CNTN1: variants seen among roughly 807,000 people sequenced by gnomAD.
CNTN1 encodes the protein contactin 1.
A neutral mutation model predicts 126.4 loss-of-function variants in CNTN1; 38 were observed. The ratio of observed to expected loss-of-function variants is 0.30; its 90% CI spans 0.23 to 0.39. The LOEUF (loss-of-function observed/expected upper bound fraction) is 0.39, where lower values mean the gene tolerates loss of function less well. Ranked by LOEUF, CNTN1 falls within the 10% of genes least tolerant of loss-of-function variation. CNTN1 has a pLI of 1.00. For missense variants in CNTN1, 1,009 were observed against 1,248.4 expected, an observed-to-expected ratio of 0.81 and a Z score of 2.89; for synonymous variants, 413 against 422.6, an observed-to-expected ratio of 0.98 and a Z score of 0.28.
chr12:41,038,180 A>G (rs1949311550), intron 23 of CNTN1, among the ~76,000 whole-genome samples: 1 of 152,162 alleles, frequency 6.6e-6, no homozygotes, highest in African/African-American at 2.4e-5. Flanking sequence ...AAATAAATAA[A>G]TAAAGTTTTA....
intron 23 of CNTN1, among the ~76,000 whole-genome samples, chr12:41,049,234 G>A (rs1769265937): frequency 6.6e-6 from 1 of 152,114 alleles, no homozygotes; most frequent in South Asian, 2.1e-4. Flanking sequence ...TAGCCCTTAG[G>A]TAATCTCATG....
At chr12:41,047,650 T>A (rs1235401612) in intron 23 of CNTN1, among the ~76,000 whole-genome samples, 2 of 152,114 alleles carry the variant, frequency 1.3e-5, no homozygotes, top group Non-Finnish European at 2.9e-5. Context: ...ATGGAGACTT[T>A]ACTTTTCAGA....
intron 14 of CNTN1, among the ~76,000 whole-genome samples, chr12:40,955,879 G>A (rs1946860484): frequency 6.6e-6 from 1 of 152,078 alleles, no homozygotes; most frequent in South Asian, 2.1e-4. Context: ...GAAGTGGGAG[G>A]TGGGGCAATC....
chr12:40,721,597 A>T (rs1038475467), intron 1 of CNTN1, among the ~76,000 whole-genome samples: 1 of 150,396 alleles, frequency 6.6e-6, no homozygotes, highest in Non-Finnish European at 1.5e-5. Flanking sequence ...CATGTGCACA[A>T]TGTGCAGGTT....
At chr12:40,897,081 T>G (rs533417783) in intron 1 of CNTN1, among the ~76,000 whole-genome samples, 52 of 152,320 alleles carry the variant, frequency 3.4e-4, no homozygotes, top group African/African-American at 1.2e-3. Context: ...TTAATTTCTA[T>G]TGCCTAGCAT....
chr12:40,805,605 T>C (rs966644135), intron 1 of CNTN1, among the ~76,000 whole-genome samples: 3 of 152,192 alleles, frequency 2.0e-5, no homozygotes, highest in Non-Finnish European at 4.4e-5. Flanking sequence ...GTTAGCATTT[T>C]AATCGCTGAT....
At chr12:40,895,784 G>T (rs1274903301) in intron 1 of CNTN1, among the ~76,000 whole-genome samples, 2 of 141,724 alleles carry the variant, frequency 1.4e-5, no homozygotes, top group East Asian at 4.1e-4. Context: ...TTGAGACGGA[G>T]TCTGGCTCTG....
At chr12:40,710,925 T>C (rs1941897247) in intron 1 of CNTN1, among the ~76,000 whole-genome samples, 2 of 152,184 alleles carry the variant, frequency 1.3e-5, no homozygotes, top group Admixed American at 1.3e-4. Context: ...TTATTTCTAC[T>C]TTTGAATTTT....
chr12:40,858,168 C>T (rs1942980591), intron 1 of CNTN1, among the ~76,000 whole-genome samples: 1 of 152,084 alleles, frequency 6.6e-6, no homozygotes, highest in East Asian at 1.9e-4. Flanking sequence ...GAGGTCACTC[C>T]CTATTCTTTG....
At chr12:40,910,991 GA>G (rs1392355173) in intron 3 of CNTN1, among the ~76,000 whole-genome samples, 55 of 152,178 alleles carry the variant, frequency 3.6e-4, no homozygotes, top group Non-Finnish European at 1.5e-4. Flanking sequence ...CCCAGACTGG[GA>G]AGAAAAAGAA....
intron 1 of CNTN1, among the ~76,000 whole-genome samples, chr12:40,725,735 G>T (rs368719171): frequency 1.3e-5 from 2 of 152,210 alleles, no homozygotes. Flanking sequence ...GCTCACCTCA[G>T]CTCTTAAAAT....
chr12:40,760,835 G>GCACACACACA (rs1165228762), intron 1 of CNTN1, among the ~76,000 whole-genome samples: 3,113 of 150,526 alleles, frequency 0.021, 56 homozygotes, highest in African/African-American at 0.041. Flanking sequence ...TCAAAATAAT[G>GCACACACACA]CACACACACA....
intron 1 of CNTN1, among the ~76,000 whole-genome samples, chr12:40,758,438 A>T (rs1277022752): frequency 6.6e-6 from 1 of 152,090 alleles, no homozygotes; most frequent in East Asian, 1.9e-4. Flanking sequence ...AGTAAAAATT[A>T]CTGAGACAAT....
At chr12:41,065,087 G>A (rs1478698012) in intron 23 of CNTN1, among the ~76,000 whole-genome samples, 4 of 151,998 alleles carry the variant, frequency 2.6e-5, no homozygotes, top group Middle Eastern at 3.4e-3. Context: ...ACGGAGTCTC[G>A]CTCTGTCGCC....
In CNTN1 at chr12:40,732,991, C is replaced by T. The variant is rs1942537213; in HGVS notation, c.-77+40399C>T. 3.9e-5 allele frequency among the ~76,000 whole-genome samples: 6 copies of T among 151,970 alleles called. No homozygotes were observed. In the South Asian group the frequency reaches 1.2e-3, roughly 32 times the overall value. ...TGTTATTTTTACTAGAAAATTTATT[C>T]TTGTAGTCACCTAATGGATATGATA... On this transcript the variant is annotated intron_variant, in intron 1 of 23. Coordinates refer to ENST00000551295, the MANE Select transcript of CNTN1 (RefSeq NM_001843.4).
At chr12:40,840,248 A>G (rs1447689638) in intron 1 of CNTN1, among the ~76,000 whole-genome samples, 1 of 152,096 alleles carries the variant, frequency 6.6e-6, no homozygotes, top group Non-Finnish European at 1.5e-5. Context: ...AAAAAAAGAC[A>G]AAAGTCATTA....
intron 1 of CNTN1, among the ~76,000 whole-genome samples, chr12:40,707,061 C>CAT: frequency 1.2e-5 from 1 of 82,686 alleles, no homozygotes; most frequent in African/African-American, 5.5e-5. Flanking sequence ...CACACACACA[C>CAT]ACACACACAC....
chr12:40,917,571 G>T (rs2136851323), intron 3 of CNTN1, among the ~76,000 whole-genome samples: 1 of 152,256 alleles, frequency 6.6e-6, no homozygotes, highest in East Asian at 1.9e-4. Context: ...ATATTTGTGT[G>T]CCATTGTCTT....
intron 12 of CNTN1, among the ~76,000 whole-genome samples, chr12:40,942,475 A>G (rs567952399): frequency 2.6e-4 from 40 of 152,114 alleles, no homozygotes; most frequent in Admixed American, 9.8e-4. Flanking sequence ...TCAAAAATGC[A>G]TATCAGAGGA....
Sources: allele counts gnomAD v4.1 joint callset (sites outside exome capture counted in the v4.1 genomes callset), GRCh38; gene constraint gnomAD v4.1.1; transcripts MANE v1.5; gene names NCBI Gene and HGNC (gene_info 2026-07-23, HGNC 2026-07-21).